CCDC141: variants seen among roughly 807,000 people sequenced by gnomAD.
The protein encoded by CCDC141 is coiled-coil domain containing 141, also known as coiled-coil domain-containing protein 141.
CCDC141 carries 168 observed loss-of-function variants against 181.0 expected under a neutral mutation model. The ratio of observed to expected loss-of-function variants is 0.93; its 90% CI spans 0.82 to 1.05. The LOEUF (loss-of-function observed/expected upper bound fraction) is 1.05, where lower values mean the gene tolerates loss of function less well. Ranked by LOEUF, CCDC141 falls within the 50% of genes least tolerant of loss-of-function variation. The pLI is 0.00. For synonymous variants in CCDC141, 666 were observed against 642.3 expected (o/e 1.04, Z -0.56); for missense variants, 1,902 against 1,788.5 (o/e 1.06, Z -1.14).
chr2:178,894,804 T>C (rs1195582855), intron 8 of CCDC141, among the ~76,000 whole-genome samples: 9 of 151,816 alleles, frequency 5.9e-5, no homozygotes, highest in Non-Finnish European at 4.4e-5. Context: ...ATAGAAGGTA[T>C]AGAAGAGAAA....
At chr2:178,945,946 C>T (rs983135234) in intron 5 of CCDC141, among the ~76,000 whole-genome samples, 4 of 151,900 alleles carry the variant, frequency 2.6e-5, no homozygotes, top group South Asian at 2.1e-4. Context: ...GCTGACTATG[C>T]GATCAAAAGG....
At chr2:178,885,935 G>C (rs768083471) in intron 10 of CCDC141, among the ~76,000 whole-genome samples, 1 of 152,112 alleles carries the variant, frequency 6.6e-6, no homozygotes, top group Non-Finnish European at 1.5e-5. Flanking sequence ...GGAAGGAAGC[G>C]GGGAATTTCT....
rs551677649 is a variant in CCDC141, at chr2:179,003,207, T to C, written c.226-24532A>G. Among the ~76,000 whole-genome samples the C allele has an allele frequency of 2.0e-5, 3 of 152,308 alleles. No homozygotes were observed. In the East Asian group the frequency reaches 5.8e-4, roughly 29 times the overall value. Reference sequence around the variant, plus strand: ...TAATATTATCTTTCATGTATAAAGATTATGTTTTCCAACAACAAAAAAAAT... The same window carrying C: ...TAATATTATCTTTCATGTATAAAGACTATGTTTTCCAACAACAAAAAAAAT... On this transcript the variant is annotated intron_variant, in intron 2 of 23. Coordinates refer to ENST00000443758, the MANE Select transcript of CCDC141 (RefSeq NM_173648.4).
chr2:178,871,282 C>T, intron 14 of CCDC141, 145 bp downstream of exon 14: 1 of 919,612 alleles, frequency 1.1e-6, no homozygotes, highest in Non-Finnish European at 1.6e-6. Context: ...AGAAAAATGT[C>T]TCTACAGTGG....
chr2:178,902,253 T>G (rs1055615808), intron 8 of CCDC141, among the ~76,000 whole-genome samples: 2 of 152,184 alleles, frequency 1.3e-5, no homozygotes, highest in African/African-American at 4.8e-5. Flanking sequence ...TGGAAAAAAC[T>G]ACTTTAAAGT....
At chr2:178,913,193 A>T (rs941676186) in intron 7 of CCDC141, among the ~76,000 whole-genome samples, 1 of 152,338 alleles carries the variant, frequency 6.6e-6, no homozygotes, top group South Asian at 2.1e-4. Context: ...GGAAGAAGAG[A>T]GGGAGGGAAC....
rs77510781 is a variant in CCDC141 at position 178,857,756 on chromosome 2, T to G, written c.2725-1359A>C. The stretch of plus-strand genomic sequence containing the variant: ...CATGGTTGATAAATTTGAGCTAAGA[T>G]AAGAGAAGTCAGAAAAGCATTAAAA... On this transcript the variant is annotated intron_variant, in intron 17 of 23. Transcript: ENST00000443758. 1.7e-4 allele frequency among the ~76,000 whole-genome samples: 26 copies of G among 152,272 alleles called. No homozygotes were observed. The East Asian group carries it at 5.0e-3, about 29-fold the overall frequency.
At chr2:178,954,824 C>CAAAAA (rs1559004786) in intron 5 of CCDC141, among the ~76,000 whole-genome samples, 2 of 150,672 alleles carry the variant, frequency 1.3e-5, no homozygotes, top group Non-Finnish European at 3.0e-5. Context: ...AAAAAAAAAC[C>CAAAAA]AAAAAACTTT....
chr2:179,018,133 C>T (rs919975944), intron 2 of CCDC141, among the ~76,000 whole-genome samples: 1 of 152,130 alleles, frequency 6.6e-6, no homozygotes, highest in Admixed American at 6.6e-5. Flanking sequence ...TTTGAAATTG[C>T]TACTTTTAAG....
At chr2:179,031,833 C>T (rs1371018476) in intron 2 of CCDC141, among the ~76,000 whole-genome samples, 2 of 151,964 alleles carry the variant, frequency 1.3e-5, no homozygotes, top group East Asian at 3.9e-4. Context: ...TCAGCAATAG[C>T]CTTGGGTGGT....
chr2:178,974,363 T>G (rs1691030672), intron 4 of CCDC141, among the ~76,000 whole-genome samples: 1 of 152,148 alleles, frequency 6.6e-6, no homozygotes. Flanking sequence ...AACGGTTGTT[T>G]CTATCAATTT....
chr2:178,855,278 GC>G, intron 19 of CCDC141, 68 bp downstream of exon 19: 2 of 1,264,780 alleles, frequency 1.6e-6, no homozygotes, highest in Non-Finnish European at 2.2e-6. Flanking sequence ...ATGCAACATT[GC>G]TTTAAAGTTG....
At chr2:178,985,681 A>C (rs1377755560) in intron 2 of CCDC141, among the ~76,000 whole-genome samples, 1 of 152,220 alleles carries the variant, frequency 6.6e-6, no homozygotes. Context: ...AGAGAATACT[A>C]CAAACACCAC....
At chr2:179,011,872 A>T (rs1400225858) in intron 2 of CCDC141, among the ~76,000 whole-genome samples, 1 of 152,202 alleles carries the variant, frequency 6.6e-6, no homozygotes, top group Non-Finnish European at 1.5e-5. Context: ...CTGAATGAGT[A>T]CTGGGTCAAA....
chr2:178,982,361 G>C (rs1380815915), intron 2 of CCDC141, among the ~76,000 whole-genome samples: 1 of 152,090 alleles, frequency 6.6e-6, no homozygotes, highest in Non-Finnish European at 1.5e-5. Flanking sequence ...AAGAGCATCA[G>C]AAAGAATAAA....
chr2:178,900,177 T>C (rs1243182434), intron 8 of CCDC141, among the ~76,000 whole-genome samples: 1 of 152,202 alleles, frequency 6.6e-6, no homozygotes, highest in Non-Finnish European at 1.5e-5. Flanking sequence ...TGCTAATGAT[T>C]TTCTTAAACC....
chr2:179,040,367 CTTTT>C (rs954613759), intron 2 of CCDC141, among the ~76,000 whole-genome samples: 1 of 152,200 alleles, frequency 6.6e-6, no homozygotes, highest in Admixed American at 6.5e-5. Context: ...CCTCTTCTTT[CTTTT>C]ATTTCCAACT....
intron 5 of CCDC141, among the ~76,000 whole-genome samples, chr2:178,960,687 A>G (rs910608029): frequency 1.3e-5 from 2 of 152,148 alleles, no homozygotes; most frequent in African/African-American, 2.4e-5. Flanking sequence ...AGCCTGGGTA[A>G]TGAGCTCTAA....
chr2:178,897,690 A>T (rs959108989), intron 8 of CCDC141, among the ~76,000 whole-genome samples: 1 of 152,198 alleles, frequency 6.6e-6, no homozygotes, highest in South Asian at 2.1e-4. Context: ...CAATTATATC[A>T]GTTAATTTTA....
Sources: allele counts gnomAD v4.1 joint callset (sites outside exome capture counted in the v4.1 genomes callset), GRCh38; gene constraint gnomAD v4.1.1; transcripts MANE v1.5; gene names NCBI Gene and HGNC (gene_info 2026-07-23, HGNC 2026-07-21).